GLIS3: variants seen among roughly 807,000 people sequenced by gnomAD.
GLIS3 encodes zinc finger protein GLIS3.
GLIS3 carries 53 observed loss-of-function variants against 78.6 expected under a neutral mutation model. That is an observed-to-expected ratio of 0.67 (90% CI 0.54 to 0.85). The LOEUF is 0.85. GLIS3 is among the 40% of genes least tolerant of loss of function. The probability of loss-of-function intolerance (pLI) is 0.00; values close to 1 mark genes in which losing one functional copy is unlikely to be tolerated. For missense variants in GLIS3, 1,703 were observed against 1,231.1 expected (o/e 1.38, Z -5.74); for synonymous variants, 684 against 509.9 (o/e 1.34, Z -4.60).
chr9:4,235,631 G>A (rs1013489508), intron 2 of GLIS3, among the ~76,000 whole-genome samples: 3 of 152,102 alleles, frequency 2.0e-5, no homozygotes, highest in Non-Finnish European at 4.4e-5. Context: ...TCTTTGGAAC[G>A]AAGGTCTTCT....
chr9:3,953,795 C>CTCTCTCTCTCTCTATATATATA (rs1403671770), intron 4 of GLIS3, among the ~76,000 whole-genome samples: 4 of 73,344 alleles, frequency 5.5e-5, no homozygotes, highest in African/African-American at 2.3e-4. Flanking sequence ...CTCTCTCTCT[C>CTCTCTCTCTCTCTATATATATA]TATATATATA....
chr9:3,831,440 A>T (rs1015503515), intron 9 of GLIS3, among the ~76,000 whole-genome samples: 1 of 152,234 alleles, frequency 6.6e-6, no homozygotes, highest in Non-Finnish European at 1.5e-5. Flanking sequence ...TCTACCTATC[A>T]CATTGGCAAA....
At chr9:4,083,752 G>C (rs1318530271) in intron 4 of GLIS3, among the ~76,000 whole-genome samples, 1 of 152,174 alleles carries the variant, frequency 6.6e-6, no homozygotes, top group Non-Finnish European at 1.5e-5. Flanking sequence ...ATCCACTGCA[G>C]AAAGTGCAAG....
intron 6 of GLIS3, among the ~76,000 whole-genome samples, chr9:3,930,268 C>G (rs1034242579): frequency 6.6e-6 from 1 of 152,176 alleles, no homozygotes; most frequent in Non-Finnish European, 1.5e-5. Flanking sequence ...CAACCACTTG[C>G]AGAAAACAGT....
intron 4 of GLIS3, among the ~76,000 whole-genome samples, chr9:4,022,100 C>G (rs1356937165): frequency 1.3e-5 from 2 of 152,110 alleles, no homozygotes; most frequent in East Asian, 3.9e-4. Flanking sequence ...CTTGCTATGC[C>G]TAGGCATTGT....
chr9:3,901,761 A>G (rs1823321337), intron 6 of GLIS3, among the ~76,000 whole-genome samples: 1 of 152,224 alleles, frequency 6.6e-6, no homozygotes, highest in South Asian at 2.1e-4. Flanking sequence ...GGCACATTCC[A>G]GTCTCTGACC....
chr9:4,046,569 C>A (rs1536468), intron 4 of GLIS3, among the ~76,000 whole-genome samples: 79,494 of 152,012 alleles, frequency 0.52, 23,829 homozygotes, highest in African/African-American at 0.83. Context: ...GAAGCTAATA[C>A]GATAAGTTGT....
At position 4,167,556 on chromosome 9, in the gene GLIS3, C is replaced by T. The variant is rs546274825; in HGVS notation, c.389-41615G>A. 2.9e-4 allele frequency among the ~76,000 whole-genome samples: 44 copies of T among 152,250 alleles called. 1 individual carries two copies. The highest frequency in any genetic ancestry group is 1.1e-3 in the African/African-American group (44 of 41,550). ...CTCCATGCCTGACAGAGTGCTGGTA[C>T]ACAACAGGTGCCCAATATATGCTTG... On this transcript the variant is annotated intron_variant, in intron 2 of 10. Transcript: ENST00000381971.
intron 4 of GLIS3, among the ~76,000 whole-genome samples, chr9:4,106,455 T>C (rs1830758926): frequency 6.6e-6 from 1 of 152,196 alleles, no homozygotes; most frequent in African/African-American, 2.4e-5. Context: ...GCATGATGTT[T>C]ACAATTTGTC....
At chr9:4,180,587 T>C (rs1251231023) in intron 2 of GLIS3, among the ~76,000 whole-genome samples, 1 of 152,162 alleles carries the variant, frequency 6.6e-6, no homozygotes, top group African/African-American at 2.4e-5. Context: ...CTGTAAACTT[T>C]CTCTTTCCAA....
intron 4 of GLIS3, among the ~76,000 whole-genome samples, chr9:4,044,208 C>T (rs887456895): frequency 3.3e-5 from 5 of 152,158 alleles, no homozygotes; most frequent in Non-Finnish European, 7.4e-5. Context: ...TCAAAGTCTT[C>T]GGAACAGTGT....
At chr9:4,405,631 A>C in the GLIS3 span, among the ~76,000 whole-genome samples, 2 of 152,186 alleles carry the variant, frequency 1.3e-5, no homozygotes, top group African/African-American at 2.4e-5. Flanking sequence ...CTTCACTTCT[A>C]AACACTACCA....
chr9:4,419,040 A>T, the GLIS3 span, among the ~76,000 whole-genome samples: 1 of 152,242 alleles, frequency 6.6e-6, no homozygotes, highest in Non-Finnish European at 1.5e-5. Context: ...GTCATTAAGC[A>T]ATTAGATTAA....
At chr9:4,180,378 G>T (rs1817199930) in intron 2 of GLIS3, among the ~76,000 whole-genome samples, 1 of 152,148 alleles carries the variant, frequency 6.6e-6, no homozygotes, top group African/African-American at 2.4e-5. Flanking sequence ...AAGCCTCTCT[G>T]CCTCTTCCTA....
At chr9:3,999,233 AC>A (rs1199111368) in intron 4 of GLIS3, among the ~76,000 whole-genome samples, 1 of 152,172 alleles carries the variant, frequency 6.6e-6, no homozygotes, top group Non-Finnish European at 1.5e-5. Context: ...GACTACTACA[AC>A]AAATAACTGA....
intron 4 of GLIS3, among the ~76,000 whole-genome samples, chr9:4,077,235 A>G (rs1318005846): frequency 6.6e-6 from 1 of 152,224 alleles, no homozygotes; most frequent in African/African-American, 2.4e-5. Context: ...TTCTAGGCAG[A>G]CAAAAATTTA....
At chr9:3,925,141 G>T (rs1378150215) in intron 6 of GLIS3, among the ~76,000 whole-genome samples, 2 of 152,122 alleles carry the variant, frequency 1.3e-5, no homozygotes, top group Admixed American at 1.3e-4. Flanking sequence ...ATGTAATAAA[G>T]AATAATACTG....
chr9:4,477,483 C>T, the GLIS3 span, among the ~76,000 whole-genome samples: 2 of 151,952 alleles, frequency 1.3e-5, no homozygotes, highest in East Asian at 1.9e-4. Flanking sequence ...GGCGTGATCA[C>T]GGCTCACTGC....
At chr9:4,197,483 C>T (rs1473439700) in intron 2 of GLIS3, among the ~76,000 whole-genome samples, 1 of 152,150 alleles carries the variant, frequency 6.6e-6, no homozygotes, top group African/African-American at 2.4e-5. Context: ...AACTCCATCA[C>T]CTTGCAGAGA....
Sources: gnomAD v4.1 joint callset for allele counts (sites outside exome capture counted in the v4.1 genomes callset) on GRCh38, gnomAD v4.1.1 for gene constraint, MANE v1.5 for transcripts, NCBI Gene and HGNC (gene_info 2026-07-23, HGNC 2026-07-21) for gene names.